ARB2A: variants seen among roughly 807,000 people sequenced by gnomAD.
ARB2A encodes the protein cotranscriptional regulator ARB2A.
the ARB2A span, among the ~76,000 whole-genome samples, chr5:93,946,481 TA>T: frequency 6.6e-6 from 1 of 152,148 alleles, no homozygotes; most frequent in African/African-American, 2.4e-5. Context: ...AAAGATATTG[TA>T]TCAAAAATGA....
chr5:93,764,389 T>C, the ARB2A span, among the ~76,000 whole-genome samples: 9 of 152,104 alleles, frequency 5.9e-5, no homozygotes, highest in Non-Finnish European at 1.3e-4. Flanking sequence ...CCCACAGAAA[T>C]ACAAACTACC....
chr5:93,845,088 T>C, the ARB2A span, among the ~76,000 whole-genome samples: 1 of 152,228 alleles, frequency 6.6e-6, no homozygotes, highest in Non-Finnish European at 1.5e-5. Context: ...TATGAAAAGC[T>C]GTTTTTCAAA....
the ARB2A span, among the ~76,000 whole-genome samples, chr5:94,073,762 A>G: frequency 6.6e-6 from 1 of 152,042 alleles, no homozygotes; most frequent in African/African-American, 2.4e-5. Flanking sequence ...ATGCAGTAAA[A>G]CCTTCTATAG....
the ARB2A span, among the ~76,000 whole-genome samples, chr5:93,874,835 A>T: frequency 6.6e-6 from 1 of 152,184 alleles, no homozygotes; most frequent in African/African-American, 2.4e-5. Context: ...CATCAGAGAA[A>T]ACACCCCAGA....
chr5:94,016,564 T>C, the ARB2A span, among the ~76,000 whole-genome samples: 3 of 152,224 alleles, frequency 2.0e-5, no homozygotes, highest in Non-Finnish European at 4.4e-5. Context: ...ATAGACCAGA[T>C]GAAGCAGCTA....
the ARB2A span, among the ~76,000 whole-genome samples, chr5:93,920,665 T>C: frequency 2.6e-5 from 4 of 152,208 alleles, no homozygotes; most frequent in Non-Finnish European, 5.9e-5. Flanking sequence ...TCAAAACTTA[T>C]GCACACAAGC....
chr5:93,726,898 G>A, the ARB2A span, among the ~76,000 whole-genome samples: 1 of 151,976 alleles, frequency 6.6e-6, no homozygotes, highest in Non-Finnish European at 1.5e-5. Flanking sequence ...GCTAATATGT[G>A]TTTAAGGGCA....
chr5:93,996,386 G>A, the ARB2A span, among the ~76,000 whole-genome samples: 1 of 151,910 alleles, frequency 6.6e-6, no homozygotes, highest in African/African-American at 2.4e-5. Context: ...ATGAACAGGG[G>A]GCTTTTTGAA....
the ARB2A span, among the ~76,000 whole-genome samples, chr5:94,041,505 G>A: frequency 6.6e-6 from 1 of 151,884 alleles, no homozygotes; most frequent in Non-Finnish European, 1.5e-5. Flanking sequence ...ATATGAAAGA[G>A]CTTAAATTAA....
chr5:93,774,401 C>T, the ARB2A span, among the ~76,000 whole-genome samples: 1 of 152,182 alleles, frequency 6.6e-6, no homozygotes, highest in Non-Finnish European at 1.5e-5. Context: ...GAAATTTAGG[C>T]TTCTTGCACT....
chr5:93,759,984 T>C, the ARB2A span, among the ~76,000 whole-genome samples: 1 of 152,174 alleles, frequency 6.6e-6, no homozygotes, highest in South Asian at 2.1e-4. Context: ...TACGAGTGTT[T>C]ACCTTGAAAA....
At chr5:94,056,034 A>T in the ARB2A span, 3 of 603,240 alleles carry the variant, frequency 5.0e-6, no homozygotes, top group Non-Finnish European at 6.2e-6. Context: ...TCTTTCAGAC[A>T]AGAAAATGAA....
At chr5:94,007,155 T>C in the ARB2A span, among the ~76,000 whole-genome samples, 450 of 152,318 alleles carry the variant, frequency 3.0e-3, 2 homozygotes, top group African/African-American at 0.011. Context: ...AAGTGATCTA[T>C]AGATTTTAGA....
chr5:93,654,677 C>T, the ARB2A span, among the ~76,000 whole-genome samples: 3 of 152,116 alleles, frequency 2.0e-5, no homozygotes, highest in African/African-American at 7.2e-5. Context: ...GCATAAGACC[C>T]CTCCATTCCT....
chr5:93,965,778 A>T, the ARB2A span, among the ~76,000 whole-genome samples: 1 of 152,052 alleles, frequency 6.6e-6, no homozygotes, highest in Non-Finnish European at 1.5e-5. Context: ...GAAAATTAAG[A>T]TGTCAATTGC....
At chr5:94,078,520 G>A in the ARB2A span, among the ~76,000 whole-genome samples, 10 of 152,268 alleles carry the variant, frequency 6.6e-5, no homozygotes, top group East Asian at 1.9e-3. Context: ...TGGGCACTGG[G>A]AAAGAAGCTG....
At chr5:93,621,668 A>C in the ARB2A span, among the ~76,000 whole-genome samples, 1 of 152,054 alleles carries the variant, frequency 6.6e-6, no homozygotes, top group Middle Eastern at 3.2e-3. Flanking sequence ...GGTGGTGTGG[A>C]GGGGAAGGGG....
the ARB2A span, among the ~76,000 whole-genome samples, chr5:94,067,671 T>A: frequency 6.6e-6 from 1 of 152,028 alleles, no homozygotes; most frequent in Non-Finnish European, 1.5e-5. Flanking sequence ...TGAGAGAAAT[T>A]GAAGAGGACA....
At chr5:93,693,568 T>A in the ARB2A span, among the ~76,000 whole-genome samples, 1 of 50,834 alleles carries the variant, frequency 2.0e-5, no homozygotes, top group Admixed American at 1.4e-4. Context: ...ATTAATAGCC[T>A]ACCAACCAAA....
Sources: allele counts gnomAD v4.1 joint callset (sites outside exome capture counted in the v4.1 genomes callset), GRCh38; gene constraint gnomAD v4.1.1; transcripts MANE v1.5; gene names NCBI Gene and HGNC (gene_info 2026-07-23, HGNC 2026-07-21).